IRF2: variants seen among roughly 807,000 people sequenced by gnomAD.
IRF2 encodes interferon regulatory factor 2.
Under a neutral mutation model 40.6 loss-of-function variants are expected in IRF2, and 15 were observed. The ratio of observed to expected loss-of-function variants is 0.37; its 90% CI spans 0.25 to 0.57. The LOEUF (loss-of-function observed/expected upper bound fraction) is 0.57. IRF2 is among the 20% of genes least tolerant of loss of function. IRF2 has a pLI of 0.77. For synonymous variants in IRF2, 151 were observed against 165.5 expected (o/e 0.91, Z 0.67); for missense variants, 317 against 455.7 (o/e 0.70, Z 2.77).
chr4:184,466,815 T>C (rs961869581), intron 1 of IRF2, among the ~76,000 whole-genome samples: 5 of 152,128 alleles, frequency 3.3e-5, no homozygotes, highest in African/African-American at 1.2e-4. Flanking sequence ...CACACCCAGG[T>C]TTATGGTATG....
intron 7 of IRF2, among the ~76,000 whole-genome samples, chr4:184,397,894 A>G (rs1020059035): frequency 2.0e-5 from 3 of 152,206 alleles, no homozygotes; most frequent in African/African-American, 7.2e-5. Context: ...GGCGAACGAG[A>G]GGAGCCATCC....
rs117407117 is a variant in IRF2 at position 184,466,340 on chromosome 4, C to T, written c.-7+8039G>A. 1.5e-3 allele frequency among the ~76,000 whole-genome samples: 226 copies of T among 152,262 alleles called. 2 individuals are homozygous for T. In the East Asian group the frequency reaches 0.036, roughly 25 times the overall value. On this transcript the variant is annotated intron_variant, in intron 1 of 8. Coordinates refer to ENST00000393593, the MANE Select transcript of IRF2 (RefSeq NM_002199.4). ...TGCTGGGATTACAGGCGTGAGCCAC[C>T]GCGCACGGCCAATCCCATCTGTTCT...
intron 1 of IRF2, among the ~76,000 whole-genome samples, chr4:184,436,815 G>C (rs1738096611): frequency 6.6e-6 from 1 of 152,200 alleles, no homozygotes; most frequent in South Asian, 2.1e-4. Flanking sequence ...AGCAAGCACT[G>C]GGTATTTCAC....
At chr4:184,398,241 C>G (rs1165535261) in intron 7 of IRF2, among the ~76,000 whole-genome samples, 2 of 152,156 alleles carry the variant, frequency 1.3e-5, no homozygotes, top group Admixed American at 1.3e-4. Flanking sequence ...AAGGTCCTAT[C>G]CAGCCTGCTC....
intron 5 of IRF2, among the ~76,000 whole-genome samples, chr4:184,416,223 C>T (rs13122827): frequency 0.18 from 27,148 of 149,140 alleles, 3,025 homozygotes; most frequent in Non-Finnish European, 0.25. Flanking sequence ...GAGGCTGAGG[C>T]GGGAGGATCA....
At position 184,418,720 on chromosome 4, in the gene IRF2, G is replaced by A. The variant is rs2149900158; in HGVS notation, c.188-12C>T. ...TGGTTGATGCTTTCCTAACAAAAGA[G>A]ACAAAGATTAAGAAAAAGAGAGAAA... On this transcript the variant is annotated splice_polypyrimidine_tract_variant and intron_variant, in intron 3 of 8. Coordinates refer to ENST00000393593, the MANE Select transcript of IRF2 (RefSeq NM_002199.4). 6.2e-7 allele frequency: 1 copy of A among 1,607,742 alleles called. No homozygotes were observed. Among genetic ancestry groups the A allele is most frequent in the Non-Finnish European group, 8.5e-7 (1 of 1,175,850 alleles).
At chr4:184,403,500 A>T (rs1242065934) in intron 6 of IRF2, among the ~76,000 whole-genome samples, 1 of 152,132 alleles carries the variant, frequency 6.6e-6, no homozygotes, top group Non-Finnish European at 1.5e-5. Flanking sequence ...ACCTCCCAAG[A>T]CCTCACAACC....
chr4:184,421,405 C>T (rs1737477808), intron 2 of IRF2, among the ~76,000 whole-genome samples: 1 of 152,110 alleles, frequency 6.6e-6, no homozygotes, highest in South Asian at 2.1e-4. Flanking sequence ...TTCAAAAGGA[C>T]AGTGATCAGA....
In IRF2 at chr4:184,390,895, G is replaced by A. The variant is rs565662245; in HGVS notation, c.695-146C>T. ...AAGCGAAACATTCTACATGGGAGAA[G>A]CTAGAGTGAATTTCAACTCTGTAAT... On this transcript the variant is annotated intron_variant, in intron 7 of 8. Coordinates refer to ENST00000393593, the MANE Select transcript of IRF2 (RefSeq NM_002199.4). 3.4e-5 allele frequency: 28 copies of A among 813,390 alleles called. No individual in the cohort carries two copies. In the African/African-American group the frequency reaches 4.8e-4, roughly 14 times the overall value. 50.4% of individuals were successfully genotyped at this position (813,390 alleles called of 1,614,324 possible). A position where few individuals can be genotyped will look rare whatever the true frequency, so the allele number is the denominator to read the frequency against.
intron 8 of IRF2, among the ~76,000 whole-genome samples, chr4:184,389,706 G>A (rs1007648354): frequency 6.6e-6 from 1 of 152,060 alleles, no homozygotes; most frequent in Non-Finnish European, 1.5e-5. Context: ...TGGTTCCCTT[G>A]TGCTCTGCGG....
intron 1 of IRF2, among the ~76,000 whole-genome samples, chr4:184,444,943 CG>C (rs1452833447): frequency 1.3e-5 from 2 of 152,202 alleles, no homozygotes; most frequent in Admixed American, 6.5e-5. Context: ...TGAAAAAAGT[CG>C]GGGAGCAGGT....
At chr4:184,414,300 T>G (rs138399537) in intron 5 of IRF2, among the ~76,000 whole-genome samples, 2 of 152,382 alleles carry the variant, frequency 1.3e-5, no homozygotes, top group African/African-American at 2.4e-5. Context: ...AACATATACA[T>G]GCACTGATGA....
chr4:184,388,893 C>T lies in IRF2; in HGVS notation c.915G>A (p.Trp305Ter), dbSNP rs2149889285. 6.2e-7 allele frequency: 1 copy of T among 1,613,896 alleles called. No individual in the cohort carries two copies. The highest frequency in any genetic ancestry group is 8.5e-7 in the Non-Finnish European group (1 of 1,179,968). The change falls in exon 9 of 9, where the codon TGG becomes TGA. Residue 305 changes from tryptophan (W) to a stop codon, truncating the protein, a stop_gained. Transcript: ENST00000393593. LOFTEE classifies it high-confidence loss of function. The surrounding 1 kb of genome is among the most constrained non-coding windows in gnomAD (Gnocchi z 4.6). ...ESNPVPYNSS[W>*]PPFQDLPLSS... ...AAAGGGGGAGGTCTTGAAAAGGGGG[C>T]CAGGAGCTGTTGTAAGGCACCGGAT...
At chr4:184,463,820 A>T (rs1441324604) in intron 1 of IRF2, among the ~76,000 whole-genome samples, 1 of 152,168 alleles carries the variant, frequency 6.6e-6, no homozygotes, top group Non-Finnish European at 1.5e-5. Context: ...TGAGGTCTTC[A>T]GTTTGAAAAG....
At chr4:184,465,489 G>GAA (rs11393875) in intron 1 of IRF2, among the ~76,000 whole-genome samples, 35 of 150,726 alleles carry the variant, frequency 2.3e-4, no homozygotes, top group Non-Finnish European at 3.4e-4. Flanking sequence ...TTTCAAGAAG[G>GAA]AAAAAAAAAG....
At chr4:184,417,915 G>C (rs1407840179) in intron 5 of IRF2, among the ~76,000 whole-genome samples, 3 of 152,228 alleles carry the variant, frequency 2.0e-5, no homozygotes, top group Non-Finnish European at 4.4e-5. Flanking sequence ...GGAGGCCTCA[G>C]CCTGCCGAGC....
intron 1 of IRF2, among the ~76,000 whole-genome samples, chr4:184,456,238 G>C (rs1256508769): frequency 6.6e-6 from 1 of 152,132 alleles, no homozygotes; most frequent in Non-Finnish European, 1.5e-5. Context: ...TTTTTTCAAA[G>C]GCCTATGGGG....
rs1408554071 is a variant in IRF2, at chr4:184,387,805, T to C, written c.*953A>G. On this transcript the variant is annotated 3_prime_UTR_variant, in exon 9 of 9. Coordinates refer to ENST00000393593, the MANE Select transcript of IRF2 (RefSeq NM_002199.4). The stretch of plus-strand genomic sequence containing the variant: ...GCTACATGAGCTCATAAAAGCTTTT[T>C]TCACCTTTACAAAATTAAAAAAAAA... 4.2e-5 allele frequency: 6 copies of C among 141,358 alleles called. No homozygotes were observed. The highest frequency in any genetic ancestry group is 1.3e-4 in the African/African-American group (5 of 37,806). The allele number at this position is 141,358 out of a possible 1,614,324, so 8.8% of individuals were successfully genotyped here. A position where few individuals can be genotyped will look rare whatever the true frequency, so the allele number is the denominator to read the frequency against.
intron 1 of IRF2, among the ~76,000 whole-genome samples, chr4:184,434,214 C>T (rs1302223995): frequency 6.6e-6 from 1 of 152,198 alleles, no homozygotes; most frequent in Non-Finnish European, 1.5e-5. Context: ...CACAGAGCGG[C>T]TATGTTTGTC....
Sources: allele counts gnomAD v4.1 joint callset (sites outside exome capture counted in the v4.1 genomes callset), GRCh38; gene constraint gnomAD v4.1.1; non-coding constraint Gnocchi (gnomAD v3.1); transcripts MANE v1.5; gene names NCBI Gene and HGNC (gene_info 2026-07-23, HGNC 2026-07-21).